KIF26B: variants seen among roughly 807,000 people sequenced by gnomAD.
The protein encoded by KIF26B is kinesin-like protein KIF26B.
Under a neutral mutation model 151.2 loss-of-function variants are expected in KIF26B, and 63 were observed. That is an observed-to-expected ratio of 0.42 (90% CI 0.34 to 0.51). KIF26B has a LOEUF of 0.51. KIF26B is among the 20% of genes least tolerant of loss of function. The pLI is 0.07. For missense variants in KIF26B, 2,813 were observed against 2,913.6 expected, an observed-to-expected ratio of 0.97 and a Z score of 0.79; for synonymous variants, 1,357 against 1,262.1, an observed-to-expected ratio of 1.08 and a Z score of -1.59.
At chr1:245,365,777 C>T (rs1039743773) in intron 2 of KIF26B, among the ~76,000 whole-genome samples, 3 of 152,044 alleles carry the variant, frequency 2.0e-5, no homozygotes, top group Admixed American at 1.3e-4. Context: ...AAGGTCCTTA[C>T]GATAAGGAGA....
intron 2 of KIF26B, among the ~76,000 whole-genome samples, chr1:245,328,949 T>C (rs1004244627): frequency 1.9e-4 from 29 of 152,212 alleles, no homozygotes; most frequent in Non-Finnish European, 4.4e-5. Context: ...GTGTTCTTAT[T>C]AGTATATTAT....
chr1:245,526,808 G>A (rs1558200247), intron 4 of KIF26B, among the ~76,000 whole-genome samples: 1 of 152,206 alleles, frequency 6.6e-6, no homozygotes, highest in African/African-American at 2.4e-5. Context: ...TGAAGTGTGT[G>A]ATTTCATGTC....
At chr1:245,670,297 A>C (rs1029652630) in intron 10 of KIF26B, among the ~76,000 whole-genome samples, 2 of 144,360 alleles carry the variant, frequency 1.4e-5, no homozygotes, top group Middle Eastern at 3.4e-3. Context: ...CACACACACA[A>C]TGTATATGTC....
chr1:245,344,482 T>C (rs1390122597), intron 2 of KIF26B, among the ~76,000 whole-genome samples: 2 of 117,858 alleles, frequency 1.7e-5, no homozygotes, highest in East Asian at 2.4e-4. Flanking sequence ...GTGACTGAGC[T>C]AGACTCCGTC....
intron 12 of KIF26B, among the ~76,000 whole-genome samples, chr1:245,693,062 G>A (rs1439634778): frequency 6.6e-6 from 1 of 152,130 alleles, no homozygotes. Flanking sequence ...TATATGTTAT[G>A]TCAATCCTAT....
chr1:245,552,143 G>A (rs890632465), intron 5 of KIF26B, among the ~76,000 whole-genome samples: 7 of 150,856 alleles, frequency 4.6e-5, no homozygotes, highest in Admixed American at 2.6e-4. Context: ...GTGTGTGTGT[G>A]TGTGTGTGTG....
At chr1:245,183,945 T>G (rs1049627955) in intron 2 of KIF26B, among the ~76,000 whole-genome samples, 1 of 152,006 alleles carries the variant, frequency 6.6e-6, no homozygotes, top group East Asian at 1.9e-4. Flanking sequence ...ATATAGTTAT[T>G]TGATGAAGCC....
chr1:245,203,246 C>CAAAAAAAAAAAA (rs562600864), intron 2 of KIF26B, among the ~76,000 whole-genome samples: 29 of 29,506 alleles, frequency 9.8e-4, no homozygotes, highest in Non-Finnish European at 1.2e-3. Flanking sequence ...GACTCTGTCT[C>CAAAAAAAAAAAA]AAAAAAAAAA....
At chr1:245,207,520 G>A (rs758023291) in intron 2 of KIF26B, among the ~76,000 whole-genome samples, 5 of 152,142 alleles carry the variant, frequency 3.3e-5, no homozygotes, top group East Asian at 1.9e-4. Context: ...CTTACAGTCC[G>A]GTGAAGAACT....
chr1:245,372,480 A>C (rs1185797452), intron 3 of KIF26B, among the ~76,000 whole-genome samples: 1 of 152,134 alleles, frequency 6.6e-6, no homozygotes. Context: ...TAGTGAGCAT[A>C]GTACCCAAAA....
rs2044808515 is a variant in KIF26B at position 245,704,015 on chromosome 1, C to T, written c.*1409C>T. ...CAGGACCTCAAATTCAGATGTTCCT[C>T]CCTATAACAATTCCCTTAGGAATTA... is the stretch of plus-strand genomic sequence containing the variant. On this transcript the variant is annotated 3_prime_UTR_variant, in exon 15 of 15. Coordinates refer to ENST00000407071, the MANE Select transcript of KIF26B (RefSeq NM_018012.4). 1 of 152,052 alleles carries T rather than the reference C, an allele frequency of 6.6e-6. No homozygotes were observed. The highest frequency in any genetic ancestry group is 2.1e-4 in the South Asian group (1 of 4,798). The allele number at this position is 152,052 out of a possible 1,614,324, so 9.4% of individuals were successfully genotyped here. A position where few individuals can be genotyped will look rare whatever the true frequency, so the allele number is the denominator to read the frequency against.
intron 4 of KIF26B, among the ~76,000 whole-genome samples, chr1:245,530,524 A>G (rs901345473): frequency 3.9e-5 from 6 of 152,226 alleles, no homozygotes; most frequent in Non-Finnish European, 8.8e-5. Flanking sequence ...AGATCCTGCC[A>G]TTTGCAACAA....
chr1:245,402,509 T>C (rs1265943005), intron 3 of KIF26B, among the ~76,000 whole-genome samples: 1 of 152,216 alleles, frequency 6.6e-6, no homozygotes. Flanking sequence ...GCATCTTTCA[T>C]AAATACTGCC....
intron 12 of KIF26B, among the ~76,000 whole-genome samples, chr1:245,697,713 A>G (rs1027004769): frequency 6.6e-6 from 1 of 152,044 alleles, no homozygotes; most frequent in Non-Finnish European, 1.5e-5. Flanking sequence ...CCTCTGTTAC[A>G]TCCACAAAAT....
chr1:245,394,864 G>C (rs921849522), intron 3 of KIF26B, among the ~76,000 whole-genome samples: 1 of 151,706 alleles, frequency 6.6e-6, no homozygotes, highest in Non-Finnish European at 1.5e-5. Flanking sequence ...CTAATTTTTT[G>C]TATTTATAGT....
At chr1:245,579,784 G>GTTGC (rs2043156804) in intron 5 of KIF26B, among the ~76,000 whole-genome samples, 1 of 152,044 alleles carries the variant, frequency 6.6e-6, no homozygotes, top group Non-Finnish European at 1.5e-5. Context: ...GAAGGTGGAG[G>GTTGC]TTGCGGTGAG....
chr1:245,551,266 C>T (rs1237272855), intron 5 of KIF26B, among the ~76,000 whole-genome samples: 1 of 152,196 alleles, frequency 6.6e-6, no homozygotes, highest in Non-Finnish European at 1.5e-5. Context: ...TGGTCTCAAA[C>T]ACTTGGGCTC....
chr1:245,403,785 A>C (rs1201722402), intron 3 of KIF26B, among the ~76,000 whole-genome samples: 1 of 152,216 alleles, frequency 6.6e-6, no homozygotes, highest in Non-Finnish European at 1.5e-5. Flanking sequence ...CATAGTTTTT[A>C]ATACTTACTC....
At chr1:245,172,917 A>G (rs539622608) in intron 2 of KIF26B, among the ~76,000 whole-genome samples, 122 of 152,366 alleles carry the variant, frequency 8.0e-4, no homozygotes, top group Middle Eastern at 3.4e-3. Flanking sequence ...AAGTGATGAT[A>G]CCGTGTAATA....
Sources: gnomAD v4.1 joint callset for allele counts (sites outside exome capture counted in the v4.1 genomes callset) on GRCh38, gnomAD v4.1.1 for gene constraint, MANE v1.5 for transcripts, NCBI Gene and HGNC (gene_info 2026-07-23, HGNC 2026-07-21) for gene names.